ITGA8: variants seen among roughly 807,000 people sequenced by gnomAD.
ITGA8 encodes integrin alpha-8.
ITGA8 carries 91 observed loss-of-function variants against 142.3 expected under a neutral mutation model. The ratio of observed to expected loss-of-function variants is 0.64; its 90% CI spans 0.54 to 0.76. The LOEUF is 0.76. ITGA8 is among the 30% of genes least tolerant of loss of function. The pLI is 0.00. For synonymous variants in ITGA8, 505 were observed against 485.2 expected (o/e 1.04, Z -0.54); for missense variants, 1,406 against 1,327.7 (o/e 1.06, Z -0.92).
chr10:15,582,795 C>A (rs1054029262), intron 23 of ITGA8, among the ~76,000 whole-genome samples: 1 of 152,256 alleles, frequency 6.6e-6, no homozygotes, highest in Non-Finnish European at 1.5e-5. Context: ...AAAAATGGTG[C>A]ATGACTGCAA....
chr10:15,547,629 T>G (rs921441815), intron 27 of ITGA8, among the ~76,000 whole-genome samples: 1 of 152,140 alleles, frequency 6.6e-6, no homozygotes, highest in African/African-American at 2.4e-5. Flanking sequence ...CCCTGGCTAT[T>G]GTGGGATGCA....
chr10:15,633,349 A>T (rs1339084876), intron 13 of ITGA8, among the ~76,000 whole-genome samples: 2 of 152,230 alleles, frequency 1.3e-5, no homozygotes, highest in Admixed American at 1.3e-4. Context: ...TGCAGTACAT[A>T]CTAACAAAGA....
chr10:15,576,141 T>G (rs985114930), intron 23 of ITGA8, among the ~76,000 whole-genome samples: 1 of 152,316 alleles, frequency 6.6e-6, no homozygotes, highest in Admixed American at 6.5e-5. Flanking sequence ...GGTCATTGTA[T>G]ATTCCTCCTT....
At chr10:15,640,232 C>G (rs139473597) in intron 13 of ITGA8, among the ~76,000 whole-genome samples, 28 of 152,310 alleles carry the variant, frequency 1.8e-4, no homozygotes, top group Middle Eastern at 6.8e-3. Context: ...CCGTGTTCCA[C>G]GGGACCGACC....
In ITGA8 at chr10:15,646,926, A is replaced by C; in HGVS notation, c.1127T>G (p.Ile376Ser). Reference sequence around the variant, plus strand: ...CCCAAACGTCTCGGTGCCAGTGAGGATCTGGGGGTCTCTGAAGAGGAGAGA... The same window carrying C: ...CCCAAACGTCTCGGTGCCAGTGAGGCTCTGGGGGTCTCTGAAGAGGAGAGA... Reference protein sequence around the residue: ...VSSLLFRDPQILTGTETFGRF... With the variant: ...VSSLLFRDPQSLTGTETFGRF... The change falls in exon 12 of 30, where the codon ATC (isoleucine) becomes AGC (serine). Residue 376 changes from isoleucine (I) to serine (S), a missense_variant. By Grantham distance (142) the Ile-to-Ser change is moderately radical. Coordinates refer to ENST00000378076, the MANE Select transcript of ITGA8 (RefSeq NM_003638.3). 6.2e-7 allele frequency: 1 copy of C among 1,614,006 alleles called. No individual in the cohort carries two copies. The highest frequency in any genetic ancestry group is 8.5e-7 in the Non-Finnish European group (1 of 1,179,990).
intron 3 of ITGA8, among the ~76,000 whole-genome samples, chr10:15,686,607 G>A (rs1834836978): frequency 6.6e-6 from 1 of 152,096 alleles, no homozygotes; most frequent in Admixed American, 6.6e-5. Flanking sequence ...GTATACCCAT[G>A]GTACCTGGAT....
At chr10:15,531,883 T>A (rs1407823439) in intron 27 of ITGA8, among the ~76,000 whole-genome samples, 1 of 152,042 alleles carries the variant, frequency 6.6e-6, no homozygotes, top group African/African-American at 2.4e-5. Flanking sequence ...GGGCGCAGGT[T>A]GCAGTGAGCT....
intron 27 of ITGA8, among the ~76,000 whole-genome samples, chr10:15,537,600 G>A (rs1390029061): frequency 2.0e-5 from 3 of 152,252 alleles, no homozygotes; most frequent in East Asian, 1.9e-4. Context: ...GCCTCCTACC[G>A]GAATAGAATG....
intron 27 of ITGA8, among the ~76,000 whole-genome samples, chr10:15,532,091 C>G (rs2131542891): frequency 6.6e-6 from 1 of 152,178 alleles, no homozygotes; most frequent in East Asian, 1.9e-4. Context: ...GCCAGCATCC[C>G]TGGCCCCTGG....
chr10:15,698,022 C>T (rs951533364), intron 2 of ITGA8, among the ~76,000 whole-genome samples: 1 of 152,204 alleles, frequency 6.6e-6, no homozygotes, highest in Non-Finnish European at 1.5e-5. Flanking sequence ...AAGCAGCGTA[C>T]ACTGTACCCA....
chr10:15,715,595 G>A (rs1247280187), intron 2 of ITGA8, among the ~76,000 whole-genome samples: 1 of 152,144 alleles, frequency 6.6e-6, no homozygotes, highest in African/African-American at 2.4e-5. Context: ...TAGTTGTTTT[G>A]ATTTGTTTTA....
chr10:15,653,803 C>T (rs1006893813), intron 11 of ITGA8, among the ~76,000 whole-genome samples: 5 of 149,912 alleles, frequency 3.3e-5, no homozygotes, highest in Non-Finnish European at 7.4e-5. Context: ...AGTTAAAGTT[C>T]CTTTGTGTGT....
intron 2 of ITGA8, among the ~76,000 whole-genome samples, chr10:15,716,877 G>A (rs772353773): frequency 2.1e-4 from 32 of 152,072 alleles, no homozygotes; most frequent in Non-Finnish European, 4.4e-4. Context: ...GGTCAGGCTG[G>A]TCTTGAACTC....
chr10:15,633,464 C>T (rs1833718197), intron 13 of ITGA8, among the ~76,000 whole-genome samples: 1 of 152,104 alleles, frequency 6.6e-6, no homozygotes, highest in East Asian at 1.9e-4. Flanking sequence ...TGAATTCTTG[C>T]TCTGTCACCC....
At chr10:15,683,739 G>T (rs963995988) in intron 4 of ITGA8, among the ~76,000 whole-genome samples, 51 of 152,216 alleles carry the variant, frequency 3.4e-4, no homozygotes, top group Non-Finnish European at 2.9e-5. Flanking sequence ...GACACCTTAT[G>T]GCCTAAAATA....
chr10:15,646,828 C>T lies in ITGA8; in HGVS notation c.1207+18G>A, dbSNP rs376403692. 217 of 1,602,540 alleles carry T rather than the reference C, an allele frequency of 1.4e-4. No individual in the cohort carries two copies. Among genetic ancestry groups the T allele is most frequent in the Non-Finnish European group, 1.7e-4 (194 of 1,170,062 alleles). ...GGTGACGACACATAAATGACTTCCA[C>T]GCTTTGGTTTAAATTACCATTGTAT... is the stretch of plus-strand genomic sequence containing the variant. On this transcript the variant is annotated intron_variant, in intron 12 of 29. Coordinates refer to ENST00000378076, the MANE Select transcript of ITGA8 (RefSeq NM_003638.3).
At chr10:15,520,635 C>A (rs1469565665) in intron 28 of ITGA8, among the ~76,000 whole-genome samples, 1 of 152,230 alleles carries the variant, frequency 6.6e-6, no homozygotes, top group Admixed American at 6.5e-5. Flanking sequence ...AAAGAAGCTG[C>A]AGATTCCCAA....
chr10:15,651,361 T>G (rs1020421209), intron 11 of ITGA8, among the ~76,000 whole-genome samples: 1 of 152,202 alleles, frequency 6.6e-6, no homozygotes, highest in Non-Finnish European at 1.5e-5. Context: ...CCAGCTTGTT[T>G]ATATTTTCAA....
intron 11 of ITGA8, among the ~76,000 whole-genome samples, chr10:15,652,107 G>T (rs185845047): frequency 7.2e-5 from 11 of 152,322 alleles, no homozygotes; most frequent in African/African-American, 2.6e-4. Context: ...CTTTATAACA[G>T]TTCTGTGTTT....
Sources: gnomAD v4.1 joint callset for allele counts (sites outside exome capture counted in the v4.1 genomes callset) on GRCh38, gnomAD v4.1.1 for gene constraint, MANE v1.5 for transcripts, NCBI Gene and HGNC (gene_info 2026-07-23, HGNC 2026-07-21) for gene names.